Variants in PDE1C observed in about 807,000 individuals in gnomAD.
PDE1C encodes dual specificity calcium/calmodulin-dependent 3',5'-cyclic nucleotide phosphodiesterase 1C.
In PDE1C, 62 loss-of-function variants were observed where a neutral mutation model predicts 93.1. The ratio of observed to expected loss-of-function variants is 0.67; its 90% CI spans 0.54 to 0.82. PDE1C has a LOEUF of 0.82. PDE1C is among the 40% of genes least tolerant of loss of function. The pLI is 0.00. For synonymous variants in PDE1C, 325 were observed against 310.1 expected (o/e 1.05, Z -0.50); for missense variants, 742 against 884.6 (o/e 0.84, Z 2.04).
chr7:31,862,811 A>T (rs1028753401), intron 7 of PDE1C, among the ~76,000 whole-genome samples: 1 of 152,162 alleles, frequency 6.6e-6, no homozygotes, highest in African/African-American at 2.4e-5. Context: ...ATTTGGGTTT[A>T]TTTTTTGAAA....
intron 2 of PDE1C, among the ~76,000 whole-genome samples, chr7:32,040,322 A>G (rs1791645607): frequency 6.6e-6 from 1 of 152,222 alleles, no homozygotes; most frequent in Non-Finnish European, 1.5e-5. Context: ...ATGTACCTCA[A>G]CATTGGCACT....
At chr7:31,917,987 CT>C (rs1379278304) in intron 2 of PDE1C, among the ~76,000 whole-genome samples, 2 of 152,276 alleles carry the variant, frequency 1.3e-5, no homozygotes, top group Admixed American at 6.5e-5. Context: ...ATATCAAAGA[CT>C]GTCAAGGACA....
At chr7:32,009,155 C>A (rs1563186306) in intron 2 of PDE1C, among the ~76,000 whole-genome samples, 1 of 152,162 alleles carries the variant, frequency 6.6e-6, no homozygotes, top group Non-Finnish European at 1.5e-5. Context: ...AAGGAACAGG[C>A]AATGAAGGTT....
At chr7:31,916,608 G>C (rs1413937489) in intron 2 of PDE1C, among the ~76,000 whole-genome samples, 1 of 152,172 alleles carries the variant, frequency 6.6e-6, no homozygotes. Flanking sequence ...AGGTTACGGG[G>C]TAGCTTTGGC....
At chr7:31,760,069 C>A (rs1190628590) in intron 17 of PDE1C, among the ~76,000 whole-genome samples, 1 of 152,158 alleles carries the variant, frequency 6.6e-6, no homozygotes, top group Non-Finnish European at 1.5e-5. Flanking sequence ...AAGTGCCCTT[C>A]AACAAAGCTG....
At chr7:32,176,393 C>T (rs1390265736) in intron 2 of PDE1C, among the ~76,000 whole-genome samples, 2 of 151,890 alleles carry the variant, frequency 1.3e-5, no homozygotes, top group East Asian at 3.9e-4. Context: ...GAAGACAGGA[C>T]CAGAAACAAT....
chr7:31,669,126 G>C, the PDE1C span, among the ~76,000 whole-genome samples: 1 of 152,188 alleles, frequency 6.6e-6, no homozygotes, highest in East Asian at 1.9e-4. Context: ...CGCATTTTAA[G>C]AGTAGTCTGG....
the PDE1C span, among the ~76,000 whole-genome samples, chr7:31,623,252 T>C: frequency 2.6e-5 from 4 of 152,210 alleles, no homozygotes; most frequent in Admixed American, 6.5e-5. Context: ...TAACTCATTT[T>C]CTGAGGCCAG....
rs1562695872 is a variant in PDE1C at position 32,374,206 on chromosome 7, GAGGGAAAGAA to G, written c.310+53606_310+53615del. 4.8e-3 allele frequency among the ~76,000 whole-genome samples: 663 copies of G among 138,320 alleles called. 11 individuals are homozygous for G. Among genetic ancestry groups the G allele is most frequent in the African/African-American group, 0.012 (408 of 34,324 alleles). 90.7% of individuals were successfully genotyped at this position (138,320 alleles called of 152,430 possible). A position where few individuals can be genotyped will look rare whatever the true frequency, so the allele number is the denominator to read the frequency against. ...AGAAAGAAAGAAAGAGAGGGAAAGA[GAGGGAAAGAA>G]AGGGAAAGAAAGAAAAAGAAAGAAG... On this transcript the variant is annotated intron_variant, in intron 1 of 1. Coordinates refer to the PDE1C transcript ENST00000672256.
chr7:31,711,022 C>T, the PDE1C span, among the ~76,000 whole-genome samples: 1 of 152,142 alleles, frequency 6.6e-6, no homozygotes, highest in African/African-American at 2.4e-5. Flanking sequence ...ATAGGTGTAT[C>T]CTCACCTTCA....
At chr7:32,002,659 A>C (rs1785630347) in intron 2 of PDE1C, among the ~76,000 whole-genome samples, 1 of 152,122 alleles carries the variant, frequency 6.6e-6, no homozygotes, top group South Asian at 2.1e-4. Flanking sequence ...ACACACACAC[A>C]CCACCCCCAT....
In PDE1C at chr7:32,047,062, A is replaced by AGTGTGTGTGTGTGT. The variant is rs59580872; in HGVS notation, c.128+4478_128+4491dup. ...GTGTGTGTGTGTGTGTGCGAGACAG[A>AGTGTGTGTGTGTGT]GTGTGTGTGTGTGTGTGTGTGTGTG... is the stretch of plus-strand genomic sequence containing the variant. On this transcript the variant is annotated intron_variant, in intron 2 of 17. Transcript: ENST00000396191. Among the ~76,000 whole-genome samples the AGTGTGTGTGTGTGT allele has an allele frequency of 4.0e-3, 583 of 145,952 alleles. 4 individuals carry two copies. Among genetic ancestry groups the AGTGTGTGTGTGTGT allele is most frequent in the African/African-American group, 0.014 (550 of 39,690 alleles).
chr7:32,329,348 T>G (rs1783466443), intron 1 of PDE1C, among the ~76,000 whole-genome samples: 1 of 152,174 alleles, frequency 6.6e-6, no homozygotes, highest in Non-Finnish European at 1.5e-5. Context: ...CATTTATACA[T>G]CAACGTAGCC....
At chr7:31,864,214 C>G (rs950342504) in intron 7 of PDE1C, among the ~76,000 whole-genome samples, 2 of 152,142 alleles carry the variant, frequency 1.3e-5, no homozygotes, top group Non-Finnish European at 2.9e-5. Flanking sequence ...TCAAAAACAA[C>G]TGAAGATGGT....
intron 2 of PDE1C, among the ~76,000 whole-genome samples, chr7:31,978,632 C>T (rs1367084975): frequency 6.6e-6 from 1 of 152,124 alleles, no homozygotes; most frequent in Non-Finnish European, 1.5e-5. Context: ...TTGCCAAGAC[C>T]TTCACAGCAA....
intron 1 of PDE1C, among the ~76,000 whole-genome samples, chr7:32,229,393 A>G (rs997993087): frequency 3.9e-5 from 6 of 152,200 alleles, no homozygotes; most frequent in African/African-American, 1.4e-4. Flanking sequence ...AAATTTTGCA[A>G]CAGAAAGTGA....
At chr7:32,195,732 G>A (rs1029341506) in intron 2 of PDE1C, among the ~76,000 whole-genome samples, 2 of 152,086 alleles carry the variant, frequency 1.3e-5, no homozygotes, top group Non-Finnish European at 2.9e-5. Flanking sequence ...ATTTTGGCAT[G>A]GGTTTCTTCA....
upstream of PDE1C, among the ~76,000 whole-genome samples, chr7:32,301,147 G>A (rs1812872613): frequency 6.6e-6 from 1 of 152,004 alleles, no homozygotes. Flanking sequence ...TTAATATTAT[G>A]TATTTTTTAA....
the PDE1C span, among the ~76,000 whole-genome samples, chr7:31,625,607 C>T: frequency 6.6e-6 from 1 of 151,906 alleles, no homozygotes; most frequent in Non-Finnish European, 1.5e-5. Flanking sequence ...GAACATCACA[C>T]TCTGGGGACT....
Sources: allele counts gnomAD v4.1 joint callset (sites outside exome capture counted in the v4.1 genomes callset), GRCh38; gene constraint gnomAD v4.1.1; transcripts MANE v1.5; gene names NCBI Gene and HGNC (gene_info 2026-07-23, HGNC 2026-07-21).